The following MBNL1 variants were observed in gnomAD, a reference collection of about 807,000 sequenced individuals.
MBNL1 encodes muscleblind-like protein 1.
Under a neutral mutation model 42.2 loss-of-function variants are expected in MBNL1, and 8 were observed. The ratio of observed to expected loss-of-function variants is 0.19; its 90% CI spans 0.11 to 0.34. The LOEUF is 0.34. Ranked by LOEUF, MBNL1 falls within the 10% of genes least tolerant of loss-of-function variation. MBNL1 has a pLI of 1.00. For missense variants in MBNL1, 309 were observed against 495.3 expected, an observed-to-expected ratio of 0.62 and a Z score of 3.57; for synonymous variants, 169 against 173.9, an observed-to-expected ratio of 0.97 and a Z score of 0.22.
At chr3:152,249,470 T>A in intron 2 of MBNL1, among the ~76,000 whole-genome samples, 1 of 103,626 alleles carries the variant, frequency 9.7e-6, no homozygotes, top group Non-Finnish European at 2.3e-5. Context: ...GGGTTGTTTG[T>A]TTTTTTCTTG....
At chr3:152,440,921 T>G (rs1367799181) in intron 4 of MBNL1, among the ~76,000 whole-genome samples, 1 of 152,174 alleles carries the variant, frequency 6.6e-6, no homozygotes, top group Admixed American at 6.5e-5. Context: ...GAAAGTGAAG[T>G]CCATGCTGCT....
intron 6 of MBNL1, among the ~76,000 whole-genome samples, chr3:152,455,279 C>T (rs1272042623): frequency 6.6e-6 from 1 of 152,066 alleles, no homozygotes; most frequent in Non-Finnish European, 1.5e-5. Flanking sequence ...TTCCAAAATA[C>T]TTTTGTTTAT....
chr3:152,430,046 CA>C (rs1038805577), intron 3 of MBNL1, among the ~76,000 whole-genome samples: 3 of 152,118 alleles, frequency 2.0e-5, no homozygotes, highest in African/African-American at 7.2e-5. Flanking sequence ...AGTGAAAGAT[CA>C]ATTGTCTTGA....
intron 2 of MBNL1, among the ~76,000 whole-genome samples, chr3:152,320,657 A>T (rs1221172602): frequency 6.6e-6 from 1 of 151,548 alleles, no homozygotes; most frequent in Non-Finnish European, 1.5e-5. Flanking sequence ...TACTGCCAGG[A>T]TAGAAACATT....
chr3:152,248,920 A>G (rs2033853638), intron 2 of MBNL1, among the ~76,000 whole-genome samples: 1 of 151,902 alleles, frequency 6.6e-6, no homozygotes, highest in Admixed American at 6.6e-5. Context: ...TTCCAATTTC[A>G]TCCATGTCCC....
At chr3:152,321,906 G>T (rs2076671625) in intron 2 of MBNL1, among the ~76,000 whole-genome samples, 1 of 151,976 alleles carries the variant, frequency 6.6e-6, no homozygotes, top group Admixed American at 6.6e-5. Context: ...TGTTGTTGTT[G>T]TTATGGTTGT....
At chr3:152,413,915 C>G (rs2098646977) in intron 2 of MBNL1, among the ~76,000 whole-genome samples, 1 of 152,030 alleles carries the variant, frequency 6.6e-6, no homozygotes, top group Admixed American at 6.5e-5. Context: ...AAGAATTATC[C>G]AAAAGGAAGG....
At chr3:152,271,962 A>G (rs1386035778) in intron 1 of MBNL1, among the ~76,000 whole-genome samples, 1 of 152,102 alleles carries the variant, frequency 6.6e-6, no homozygotes, top group African/African-American at 2.4e-5. Flanking sequence ...TTTTATATTT[A>G]TGATATGTTT....
At chr3:152,297,614 A>C (rs2059176489) in intron 1 of MBNL1, among the ~76,000 whole-genome samples, 2 of 152,034 alleles carry the variant, frequency 1.3e-5, no homozygotes, top group Admixed American at 1.3e-4. Context: ...TCGGCCTCCC[A>C]AAGTGCTGGG....
intron 2 of MBNL1, among the ~76,000 whole-genome samples, chr3:152,318,683 G>A (rs1412310522): frequency 1.3e-5 from 2 of 152,146 alleles, no homozygotes; most frequent in Admixed American, 6.5e-5. Context: ...CTTAGCATGA[G>A]CTTGATGGAT....
At chr3:152,319,413 A>G (rs2074743258) in intron 2 of MBNL1, among the ~76,000 whole-genome samples, 1 of 152,056 alleles carries the variant, frequency 6.6e-6, no homozygotes. Context: ...TCATATCCAT[A>G]AAGATCTTGA....
intron 2 of MBNL1, among the ~76,000 whole-genome samples, chr3:152,302,791 G>A (rs2061270040): frequency 6.6e-6 from 1 of 152,144 alleles, no homozygotes; most frequent in African/African-American, 2.4e-5. Flanking sequence ...TGTGTCCTGT[G>A]TATTGCTTAA....
chr3:152,304,017 A>G (rs1214186305), intron 2 of MBNL1, among the ~76,000 whole-genome samples: 1 of 152,174 alleles, frequency 6.6e-6, no homozygotes, highest in Admixed American at 6.5e-5. Flanking sequence ...GATTTATCAT[A>G]GACACATTTG....
chr3:152,258,181 C>CTTA (rs1214233889), intron 2 of MBNL1, among the ~76,000 whole-genome samples: 6 of 152,098 alleles, frequency 3.9e-5, no homozygotes, highest in East Asian at 3.9e-4. Flanking sequence ...TTAACAAGAG[C>CTTA]TTATTTTTTA....
At chr3:152,260,257 G>A (rs1258503946) in intron 2 of MBNL1, among the ~76,000 whole-genome samples, 3 of 152,156 alleles carry the variant, frequency 2.0e-5, no homozygotes, top group Admixed American at 6.6e-5. Context: ...GGGAGGGCTC[G>A]ATGGAATCAG....
At chr3:152,368,796 C>G (rs924436110) in intron 2 of MBNL1, among the ~76,000 whole-genome samples, 1 of 152,154 alleles carries the variant, frequency 6.6e-6, no homozygotes. Flanking sequence ...GGAGTTCACT[C>G]ATGATTTGGT....
At chr3:152,415,639 GT>G (rs1438568253) in intron 3 of MBNL1, among the ~76,000 whole-genome samples, 1 of 152,180 alleles carries the variant, frequency 6.6e-6, no homozygotes. Flanking sequence ...TCTGACAGTA[GT>G]AAATCAATAT....
At chr3:152,319,974 A>T (rs1159352951) in intron 2 of MBNL1, among the ~76,000 whole-genome samples, 1 of 152,022 alleles carries the variant, frequency 6.6e-6, no homozygotes, top group Non-Finnish European at 1.5e-5. Context: ...CTTCCTTTTT[A>T]TGTGTCATAG....
In MBNL1 at chr3:152,253,472, T is replaced by C. The variant is rs116285138; in HGVS notation, n.333+9032T>C. Among the ~76,000 whole-genome samples, 677 of 152,274 alleles carry C rather than the reference T, an allele frequency of 4.4e-3. 6 individuals carry two copies. Among genetic ancestry groups the C allele is most frequent in the Admixed American group, 7.5e-3 (114 of 15,262 alleles). ...AGCCTATTAAGAAACCCTCTTTTTCTATTCTTGCATCCCTACCAATATGAT... is the reference window on the plus strand; with the variant it reads ...AGCCTATTAAGAAACCCTCTTTTTCCATTCTTGCATCCCTACCAATATGAT... On this transcript the variant is annotated intron_variant and non_coding_transcript_variant, in intron 2 of 2. Transcript: ENST00000477171.
Sources: allele counts gnomAD v4.1 joint callset (sites outside exome capture counted in the v4.1 genomes callset), GRCh38; gene constraint gnomAD v4.1.1; transcripts MANE v1.5; gene names NCBI Gene and HGNC (gene_info 2026-07-23, HGNC 2026-07-21).